C1GALT1: variants seen among roughly 807,000 people sequenced by gnomAD.
The protein encoded by C1GALT1 is core 1 synthase, glycoprotein-N-acetylgalactosamine 3-beta-galactosyltransferase 1, also known as glycoprotein-N-acetylgalactosamine 3-beta-galactosyltransferase 1.
Under a neutral mutation model 31.0 loss-of-function variants are expected in C1GALT1, and 11 were observed. That is an observed-to-expected ratio of 0.36 (90% CI 0.22 to 0.59). C1GALT1 has a LOEUF of 0.59. Ranked by LOEUF, C1GALT1 falls within the 20% of genes least tolerant of loss-of-function variation. The pLI, the probability that C1GALT1 is intolerant of heterozygous loss-of-function variation, is 0.79. For missense variants in C1GALT1, 424 were observed against 425.2 expected, an observed-to-expected ratio of 1.00 and a Z score of 0.03; for synonymous variants, 175 against 143.6, an observed-to-expected ratio of 1.22 and a Z score of -1.56.
rs1387258926 is a variant in C1GALT1, at chr7:7,246,038, G to C, written c.*2311G>C. 1 of 152,172 alleles carries C rather than the reference G, an allele frequency of 6.6e-6. No individual in the cohort carries two copies. Among genetic ancestry groups the C allele is most frequent in the Non-Finnish European group, 1.5e-5 (1 of 68,022 alleles). 9.4% of individuals were successfully genotyped at this position (152,172 alleles called of 1,614,324 possible). A position where few individuals can be genotyped will look rare whatever the true frequency, so the allele number is the denominator to read the frequency against. Reference sequence around the variant, plus strand: ...ATTATTCTGTTACCTTGGAGTGTAAGTACTGCATTTAAGTGAATGAAAAAT... The same window carrying C: ...ATTATTCTGTTACCTTGGAGTGTAACTACTGCATTTAAGTGAATGAAAAAT... On this transcript the variant is annotated 3_prime_UTR_variant, in exon 4 of 4. Coordinates refer to ENST00000436587, the MANE Select transcript of C1GALT1 (RefSeq NM_020156.5).
At chr7:7,234,929 T>G (rs79277071) in intron 2 of C1GALT1, 6,424 of 154,276 alleles carry the variant, frequency 0.042, 225 homozygotes, top group African/African-American at 0.11. Context: ...AAGTTTCGAT[T>G]TATATTTTTA....
In C1GALT1 at chr7:7,244,073, A is replaced by G. The variant is rs1219269710; in HGVS notation, c.*346A>G. 2 of 166,208 alleles carry G rather than the reference A, an allele frequency of 1.2e-5. No individual in the cohort carries two copies. The highest frequency in any genetic ancestry group is 1.3e-5 in the Non-Finnish European group (1 of 76,982). The allele number at this position is 166,208 out of a possible 1,614,324, so 10.3% of individuals were successfully genotyped here. On this transcript the variant is annotated 3_prime_UTR_variant, in exon 4 of 4. Coordinates refer to ENST00000436587, the MANE Select transcript of C1GALT1 (RefSeq NM_020156.5). ...CTAAAATAGTAAATTTACTAAAACT[A>G]CACTGCACCATGTTAGTAATAAACA...
chr7:7,180,553 T>C (rs1169216235), upstream of C1GALT1, among the ~76,000 whole-genome samples: 1 of 152,262 alleles, frequency 6.6e-6, no homozygotes, highest in Non-Finnish European at 1.5e-5. Flanking sequence ...ATTTATGAAA[T>C]ATTGTATTTA....
upstream of C1GALT1, among the ~76,000 whole-genome samples, chr7:7,180,658 A>T (rs1041609754): frequency 2.0e-5 from 3 of 152,268 alleles, no homozygotes; most frequent in Non-Finnish European, 4.4e-5. Flanking sequence ...GTATTTGGAC[A>T]GATTTTAACT....
At chr7:7,231,414 TTA>T (rs1783065969) in intron 1 of C1GALT1, among the ~76,000 whole-genome samples, 2 of 152,142 alleles carry the variant, frequency 1.3e-5, no homozygotes, top group South Asian at 4.1e-4. Context: ...TTCTCCTGAG[TTA>T]TGTCTCTTCC....
At chr7:7,209,067 C>T (rs1376654835) in intron 1 of C1GALT1, among the ~76,000 whole-genome samples, 1 of 152,210 alleles carries the variant, frequency 6.6e-6, no homozygotes, top group Non-Finnish European at 1.5e-5. Context: ...CTAACTTAAT[C>T]ATGGATTCTT....
At chr7:7,201,681 C>T (rs764839366) in intron 1 of C1GALT1, among the ~76,000 whole-genome samples, 1 of 152,228 alleles carries the variant, frequency 6.6e-6, no homozygotes, top group African/African-American at 2.4e-5. Flanking sequence ...GTGCCTCTTC[C>T]AGCAGCACTG....
At chr7:7,175,609 C>T (rs1780497756) in intron 2 of C1GALT1, among the ~76,000 whole-genome samples, 1 of 152,124 alleles carries the variant, frequency 6.6e-6, no homozygotes, top group South Asian at 2.1e-4. Context: ...CTTTTTCTGC[C>T]CTAGGTTCTG....
chr7:7,219,764 C>T (rs548055765), intron 1 of C1GALT1, among the ~76,000 whole-genome samples: 1 of 151,964 alleles, frequency 6.6e-6, no homozygotes, highest in East Asian at 1.9e-4. Context: ...TTCTTCTAGT[C>T]TTTTTTTAGT....
At chr7:7,210,463 G>A (rs1447583776) in intron 1 of C1GALT1, 6 of 126,362 alleles carry the variant, frequency 4.7e-5, no homozygotes, top group African/African-American at 1.9e-4. Context: ...GAGTTTAATA[G>A]GCCAGACAGA....
At chr7:7,188,645 T>G (rs2128230748) in intron 1 of C1GALT1, among the ~76,000 whole-genome samples, 1 of 152,326 alleles carries the variant, frequency 6.6e-6, no homozygotes, top group African/African-American at 2.4e-5. Flanking sequence ...TTCCCAGAGA[T>G]AGCTCTTGTT....
intron 1 of C1GALT1, among the ~76,000 whole-genome samples, chr7:7,212,760 G>C (rs1782064119): frequency 6.6e-6 from 1 of 152,066 alleles, no homozygotes; most frequent in African/African-American, 2.4e-5. Flanking sequence ...GAATGTTTCA[G>C]AGTACATTCA....
Position 7,245,458 on chromosome 7 carries a change from G to C in C1GALT1, c.*1731G>C, listed in dbSNP as rs1562604399. 1.3e-5 allele frequency: 2 copies of C among 152,240 alleles called. No homozygotes were observed. Among genetic ancestry groups the C allele is most frequent in the Non-Finnish European group, 2.9e-5 (2 of 68,052 alleles). 9.4% of individuals were successfully genotyped at this position (152,240 alleles called of 1,614,324 possible). ...ATCCCAAAGTGCTGGGATTACGAGC[G>C]TGAGTCACAGCACCCGGCTAAGTAA... is the stretch of plus-strand genomic sequence containing the variant. On this transcript the variant is annotated 3_prime_UTR_variant, in exon 4 of 4. Coordinates refer to ENST00000436587, the MANE Select transcript of C1GALT1 (RefSeq NM_020156.5).
chr7:7,200,852 C>T (rs1781501742), intron 1 of C1GALT1, among the ~76,000 whole-genome samples: 1 of 152,218 alleles, frequency 6.6e-6, no homozygotes, highest in Non-Finnish European at 1.5e-5. Context: ...TCCATCAAGT[C>T]ATTTAAGGAC....
chr7:7,201,021 G>A (rs1031894950), intron 1 of C1GALT1, among the ~76,000 whole-genome samples: 3 of 152,170 alleles, frequency 2.0e-5, no homozygotes, highest in Admixed American at 6.5e-5. Flanking sequence ...GTCATTCTCC[G>A]TCCAGCTTTG....
chr7:7,227,492 G>T (rs10280192), intron 1 of C1GALT1, among the ~76,000 whole-genome samples: 1,830 of 152,126 alleles, frequency 0.012, 33 homozygotes, highest in African/African-American at 0.042. Flanking sequence ...AGGCCGAGGC[G>T]GGCGGATCAC....
intron 3 of C1GALT1, among the ~76,000 whole-genome samples, chr7:7,240,033 T>G (rs1401754118): frequency 6.6e-6 from 1 of 152,196 alleles, no homozygotes; most frequent in Non-Finnish European, 1.5e-5. Flanking sequence ...ATGCCTTCTT[T>G]TCTGTGGACC....
intron 2 of C1GALT1, among the ~76,000 whole-genome samples, chr7:7,161,642 T>C (rs1051128644): frequency 6.6e-6 from 1 of 152,070 alleles, no homozygotes; most frequent in East Asian, 1.9e-4. Context: ...TTTTACAAAG[T>C]TGAGGACCAT....
intron 2 of C1GALT1, among the ~76,000 whole-genome samples, chr7:7,177,386 T>C (rs1382027137): frequency 6.6e-6 from 1 of 152,236 alleles, no homozygotes; most frequent in Non-Finnish European, 1.5e-5. Flanking sequence ...CCATTTATTT[T>C]CTTGCTATTG....
Sources: allele counts gnomAD v4.1 joint callset (sites outside exome capture counted in the v4.1 genomes callset), GRCh38; gene constraint gnomAD v4.1.1; transcripts MANE v1.5; gene names NCBI Gene and HGNC (gene_info 2026-07-23, HGNC 2026-07-21).